Variants in NALF1 observed in about 807,000 individuals in gnomAD.
The protein encoded by NALF1 is family with sequence similarity 155 member A.
NALF1 carries 3 observed loss-of-function variants against 48.4 expected under a neutral mutation model. The ratio of observed to expected loss-of-function variants is 0.06; its 90% confidence interval spans 0.03 to 0.16. The LOEUF (loss-of-function observed/expected upper bound fraction) is 0.16. Among genes scored for constraint, NALF1 ranks in the 10% least tolerant of loss-of-function variants. The pLI is 1.00. For synonymous variants in NALF1, 262 were observed against 245.7 expected, an observed-to-expected ratio of 1.07 and a Z score of -0.62; for missense variants, 526 against 571.5, an observed-to-expected ratio of 0.92 and a Z score of 0.81.
intron 1 of NALF1, among the ~76,000 whole-genome samples, chr13:107,658,471 T>C (rs1594189178): frequency 6.6e-6 from 1 of 152,150 alleles, no homozygotes; most frequent in African/African-American, 2.4e-5. Flanking sequence ...ACTCTGTACC[T>C]CAAACTGTAC....
chr13:107,333,440 G>C (rs1052341599), intron 1 of NALF1, among the ~76,000 whole-genome samples: 1 of 152,168 alleles, frequency 6.6e-6, no homozygotes, highest in African/African-American at 2.4e-5. Flanking sequence ...CAATATGAGA[G>C]CTGGCCCCAG....
intron 1 of NALF1, among the ~76,000 whole-genome samples, chr13:107,591,128 A>C (rs909959782): frequency 6.6e-6 from 1 of 152,090 alleles, no homozygotes; most frequent in African/African-American, 2.4e-5. Flanking sequence ...GAGAGTAACA[A>C]TAGAATTCCC....
chr13:107,226,375 C>T (rs879939196), intron 1 of NALF1, among the ~76,000 whole-genome samples: 3 of 150,240 alleles, frequency 2.0e-5, no homozygotes, highest in Admixed American at 6.6e-5. Flanking sequence ...CACAAAATAA[C>T]GTTAACTATA....
chr13:107,300,641 C>T (rs1022571040), intron 1 of NALF1, among the ~76,000 whole-genome samples: 2 of 152,044 alleles, frequency 1.3e-5, no homozygotes, highest in Non-Finnish European at 2.9e-5. Context: ...GCTAAAATTT[C>T]ATTCTATTTG....
At chr13:107,721,935 T>C (rs1388832152) in intron 1 of NALF1, among the ~76,000 whole-genome samples, 1 of 152,228 alleles carries the variant, frequency 6.6e-6, no homozygotes, top group East Asian at 1.9e-4. Context: ...GCTCTGTTTA[T>C]TCATACATGC....
rs757650701 is a variant in NALF1 at position 107,866,247 on chromosome 13, G to A, written c.350C>T (p.Ala117Val). ...LASMGESSPA[A>V]QAHRLLSASS... ...GGCGGAGAGGAGTCTGTGTGCCTGG[G>A]CGGCGGGCGAGGACTCCCCCATGCT... is the stretch of plus-strand genomic sequence containing the variant. The change falls in exon 1 of 3, where the codon GCC becomes GTC. Residue 117 changes from alanine (A) to valine (V), a missense_variant. By Grantham distance (64) the Ala-to-Val change is moderately conservative (BLOSUM62 0). This residue lies in a region of NALF1 where 373 missense variants were observed against 355.5 expected (regional missense o/e 1.05). Transcript: ENST00000375915. This position sits in a 1 kb window ranked among gnomAD's most constrained non-coding sequence, Gnocchi z 4.4. 5 of 1,592,926 alleles carry A rather than the reference G, an allele frequency of 3.1e-6. No individual in the cohort carries two copies. The East Asian group carries it at 6.7e-5, about 21-fold the overall frequency.
At chr13:107,565,969 T>C (rs190487096) in intron 1 of NALF1, among the ~76,000 whole-genome samples, 68 of 152,336 alleles carry the variant, frequency 4.5e-4, no homozygotes, top group South Asian at 8.3e-4. Flanking sequence ...CAGTGTAACA[T>C]ATCACTGGCT....
At chr13:107,523,398 T>A (rs916168676) in intron 1 of NALF1, among the ~76,000 whole-genome samples, 1 of 152,010 alleles carries the variant, frequency 6.6e-6, no homozygotes, top group Non-Finnish European at 1.5e-5. Context: ...ATACTTTAAG[T>A]TTTAGGGTAC....
chr13:107,580,054 C>T lies in NALF1; in HGVS notation c.915+285628G>A, dbSNP rs554874326. On this transcript the variant is annotated intron_variant, in intron 1 of 2. Coordinates refer to ENST00000375915, the MANE Select transcript of NALF1 (RefSeq NM_001080396.3). Reference sequence around the variant, plus strand: ...AAAGACTTGGAACCAACCCAAATGTCCAATAATGATAGACTGGATTAAGAA... The same window carrying T: ...AAAGACTTGGAACCAACCCAAATGTTCAATAATGATAGACTGGATTAAGAA... Among the ~76,000 whole-genome samples the T allele has an allele frequency of 1.1e-4, 16 of 152,018 alleles. 1 individual carries two copies. In the South Asian group the frequency reaches 3.1e-3, roughly 30 times the overall value.
At chr13:107,814,165 T>A (rs1355430690) in intron 1 of NALF1, among the ~76,000 whole-genome samples, 1 of 152,186 alleles carries the variant, frequency 6.6e-6, no homozygotes, top group Admixed American at 6.5e-5. Flanking sequence ...ATGGATTTTC[T>A]GATGTTTATA....
chr13:107,767,532 A>G (rs958886942), intron 1 of NALF1, among the ~76,000 whole-genome samples: 1 of 152,244 alleles, frequency 6.6e-6, no homozygotes, highest in African/African-American at 2.4e-5. Context: ...GTAAATTAGA[A>G]GACGACTGTA....
At chr13:107,623,584 T>A (rs1879589982) in intron 1 of NALF1, among the ~76,000 whole-genome samples, 2 of 152,230 alleles carry the variant, frequency 1.3e-5, no homozygotes, top group Admixed American at 1.3e-4. Flanking sequence ...CAGGCACTAT[T>A]GTTTCATTCT....
At chr13:107,312,574 T>TA (rs910009488) in intron 1 of NALF1, among the ~76,000 whole-genome samples, 25 of 150,528 alleles carry the variant, frequency 1.7e-4, no homozygotes, top group Admixed American at 9.2e-4. Flanking sequence ...AGTATAATAA[T>TA]AAAAAAAAAG....
intron 1 of NALF1, among the ~76,000 whole-genome samples, chr13:107,858,691 T>G (rs184442364): frequency 1.4e-3 from 207 of 152,278 alleles, no homozygotes; most frequent in Middle Eastern, 6.8e-3. Flanking sequence ...TGTCTCAAAA[T>G]AGATTAATTA....
chr13:107,524,966 T>A (rs1406225997), intron 1 of NALF1, among the ~76,000 whole-genome samples: 2 of 151,724 alleles, frequency 1.3e-5, no homozygotes, highest in Non-Finnish European at 2.9e-5. Flanking sequence ...GAAAAAAAAA[T>A]ATCCCAGGAG....
chr13:107,525,069 C>T lies in NALF1; in HGVS notation c.916-314314G>A, dbSNP rs552826624. On this transcript the variant is annotated intron_variant, in intron 1 of 2. Coordinates refer to ENST00000375915, the MANE Select transcript of NALF1 (RefSeq NM_001080396.3). ...TGGCAAGATTAACCTGTAGAAAATC[C>T]GGCAAATCTCAAACATTTCAAGAAA... 5.3e-5 allele frequency among the ~76,000 whole-genome samples: 8 copies of T among 152,126 alleles called. No homozygotes were observed. In the East Asian group the frequency reaches 5.8e-4, roughly 11 times the overall value.
chr13:107,335,069 A>AC (rs1882531973), intron 1 of NALF1, among the ~76,000 whole-genome samples: 2 of 152,314 alleles, frequency 1.3e-5, no homozygotes, highest in East Asian at 3.9e-4. Context: ...TACCACGGTC[A>AC]GGATGAAGTG....
intron 1 of NALF1, among the ~76,000 whole-genome samples, chr13:107,444,329 C>T (rs1025058354): frequency 6.6e-6 from 1 of 152,086 alleles, no homozygotes; most frequent in African/African-American, 2.4e-5. Flanking sequence ...AGCAGACTTA[C>T]ATTGATTGAT....
At chr13:107,622,471 C>CCAAA (rs1879547385) in intron 1 of NALF1, among the ~76,000 whole-genome samples, 1 of 146,444 alleles carries the variant, frequency 6.8e-6, no homozygotes, top group Non-Finnish European at 1.5e-5. Flanking sequence ...ACAACAACAA[C>CCAAA]AAAAAAAAAA....
Sources: allele counts gnomAD v4.1 joint callset (sites outside exome capture counted in the v4.1 genomes callset), GRCh38; gene constraint gnomAD v4.1.1; regional missense constraint gnomAD v4.1.1; non-coding constraint Gnocchi (gnomAD v3.1); transcripts MANE v1.5; gene names NCBI Gene and HGNC (gene_info 2026-07-23, HGNC 2026-07-21).